The following PRR16 variants were observed in gnomAD, a reference collection of about 807,000 sequenced individuals.
The protein encoded by PRR16 is protein Largen.
Under a neutral mutation model 18.2 loss-of-function variants are expected in PRR16, and 6 were observed. That is an observed-to-expected ratio of 0.33 (90% CI 0.18 to 0.65). The LOEUF (loss-of-function observed/expected upper bound fraction) is 0.65. Ranked by LOEUF, PRR16 falls within the 30% of genes least tolerant of loss-of-function variation. PRR16 has a pLI of 0.74. For synonymous variants in PRR16, 151 were observed against 147.8 expected, an observed-to-expected ratio of 1.02 and a Z score of -0.16; for missense variants, 412 against 376.6, an observed-to-expected ratio of 1.09 and a Z score of -0.78.
At chr5:120,648,348 T>A (rs1755665610) in intron 1 of PRR16, among the ~76,000 whole-genome samples, 1 of 152,120 alleles carries the variant, frequency 6.6e-6, no homozygotes, top group South Asian at 2.1e-4. Context: ...ATTAGCTTTT[T>A]TTAATAAATA....
chr5:120,766,186 C>T, the PRR16 span, among the ~76,000 whole-genome samples: 620 of 152,020 alleles, frequency 4.1e-3, 6 homozygotes, highest in Non-Finnish European at 5.4e-3. Context: ...AATAGCTTTC[C>T]GAAGTATTAA....
chr5:120,583,434 G>A (rs1387850444), intron 1 of PRR16, among the ~76,000 whole-genome samples: 1 of 152,024 alleles, frequency 6.6e-6, no homozygotes, highest in Non-Finnish European at 1.5e-5. Flanking sequence ...AAAACAATGA[G>A]CCACATTTTC....
At chr5:120,657,450 G>A (rs939139133) in intron 1 of PRR16, among the ~76,000 whole-genome samples, 9 of 151,874 alleles carry the variant, frequency 5.9e-5, no homozygotes, top group Non-Finnish European at 1.3e-4. Context: ...ATCAAATTGT[G>A]TGGGAATATT....
chr5:120,515,308 G>T (rs1750952859), intron 1 of PRR16, among the ~76,000 whole-genome samples: 1 of 151,960 alleles, frequency 6.6e-6, no homozygotes, highest in Non-Finnish European at 1.5e-5. Flanking sequence ...CCTCTTAAAG[G>T]TCCCACCTCT....
intron 1 of PRR16, among the ~76,000 whole-genome samples, chr5:120,543,584 G>T (rs1751983074): frequency 6.6e-6 from 1 of 152,110 alleles, no homozygotes; most frequent in South Asian, 2.1e-4. Context: ...TAAGGAAACT[G>T]ATGTGAACAA....
At chr5:120,752,343 T>C in the PRR16 span, among the ~76,000 whole-genome samples, 1 of 151,970 alleles carries the variant, frequency 6.6e-6, no homozygotes, top group Non-Finnish European at 1.5e-5. Context: ...GTGGAGATAA[T>C]GCGGGCCTGA....
chr5:120,765,172 A>C, the PRR16 span, among the ~76,000 whole-genome samples: 1 of 152,090 alleles, frequency 6.6e-6, no homozygotes, highest in African/African-American at 2.4e-5. Context: ...TTTAAAATAT[A>C]AATAATGGGT....
intron 1 of PRR16, among the ~76,000 whole-genome samples, chr5:120,594,082 A>G (rs183279937): frequency 1.3e-5 from 2 of 152,272 alleles, no homozygotes; most frequent in East Asian, 3.9e-4. Flanking sequence ...TTCCCCTTGA[A>G]CACTGGCACA....
intron 1 of PRR16, among the ~76,000 whole-genome samples, chr5:120,557,641 A>C (rs1349610906): frequency 6.6e-6 from 1 of 151,890 alleles, no homozygotes; most frequent in East Asian, 1.9e-4. Context: ...TTCTCATGCA[A>C]AACAAAGGGT....
At chr5:120,586,631 C>T (rs1263404839) in intron 1 of PRR16, among the ~76,000 whole-genome samples, 2 of 151,962 alleles carry the variant, frequency 1.3e-5, no homozygotes, top group South Asian at 2.1e-4. Flanking sequence ...CTTTGGGGTG[C>T]CACAAAAATG....
At position 120,489,568 on chromosome 5, in the gene PRR16, C is replaced by G. The variant is rs1345334448; in HGVS notation, c.159+24923C>G. Among the ~76,000 whole-genome samples the G allele has an allele frequency of 2.0e-5, 3 of 152,120 alleles. No homozygotes were observed. In the South Asian group the frequency reaches 6.2e-4, roughly 32 times the overall value. ...TGTCTCTGCACGTGAGATGGGTTTCCTGAATACAGCACACTGATGGGTCTT... is the reference window on the plus strand; with the variant it reads ...TGTCTCTGCACGTGAGATGGGTTTCGTGAATACAGCACACTGATGGGTCTT... On this transcript the variant is annotated intron_variant, in intron 1 of 1. Coordinates refer to ENST00000407149, the MANE Select transcript of PRR16 (RefSeq NM_001300783.2).
chr5:120,767,551 A>AT, the PRR16 span, among the ~76,000 whole-genome samples: 21 of 151,998 alleles, frequency 1.4e-4, no homozygotes, highest in South Asian at 4.1e-4. Context: ...AGAGTCAAAG[A>AT]TTTTTTGTCA....
chr5:120,735,405 G>A, the PRR16 span, among the ~76,000 whole-genome samples: 1 of 152,140 alleles, frequency 6.6e-6, no homozygotes, highest in East Asian at 1.9e-4. Context: ...TATATCAACA[G>A]TGGCTGCATT....
chr5:120,624,892 T>C (rs890078588), intron 1 of PRR16, among the ~76,000 whole-genome samples: 1 of 152,042 alleles, frequency 6.6e-6, no homozygotes. Flanking sequence ...TGAATAAGTC[T>C]CATGAGATCT....
chr5:120,709,519 A>T, the PRR16 span, among the ~76,000 whole-genome samples: 1 of 152,032 alleles, frequency 6.6e-6, no homozygotes, highest in East Asian at 1.9e-4. Flanking sequence ...CAGTTTTTTT[A>T]AATATACAAT....
chr5:120,671,033 T>C (rs990248240), intron 1 of PRR16, among the ~76,000 whole-genome samples: 1 of 152,112 alleles, frequency 6.6e-6, no homozygotes, highest in Non-Finnish European at 1.5e-5. Flanking sequence ...TTTACCTGCA[T>C]CTCTTTCCCT....
At chr5:120,624,657 T>A (rs1754802577) in intron 1 of PRR16, among the ~76,000 whole-genome samples, 1 of 152,138 alleles carries the variant, frequency 6.6e-6, no homozygotes, top group South Asian at 2.1e-4. Flanking sequence ...TGTTATAGAT[T>A]TTAAATGAGT....
At chr5:120,567,174 A>T (rs1580732601) in intron 1 of PRR16, among the ~76,000 whole-genome samples, 2 of 152,126 alleles carry the variant, frequency 1.3e-5, no homozygotes, top group Non-Finnish European at 2.9e-5. Flanking sequence ...GCCTATAATA[A>T]CATTCTTTTA....
chr5:120,648,224 A>G (rs1192888774), intron 1 of PRR16, among the ~76,000 whole-genome samples: 1 of 152,132 alleles, frequency 6.6e-6, no homozygotes, highest in African/African-American at 2.4e-5. Flanking sequence ...TGCTGAACCT[A>G]GTTATATGCT....
Sources: gnomAD v4.1 joint callset for allele counts (sites outside exome capture counted in the v4.1 genomes callset) on GRCh38, gnomAD v4.1.1 for gene constraint, MANE v1.5 for transcripts, NCBI Gene and HGNC (gene_info 2026-07-23, HGNC 2026-07-21) for gene names.